CDKAL1: variants seen among roughly 807,000 people sequenced by gnomAD.
The protein encoded by CDKAL1 is CDKAL1 threonylcarbamoyladenosine tRNA methylthiotransferase.
A neutral mutation model predicts 68.2 loss-of-function variants in CDKAL1; 32 were observed. The observed-to-expected ratio is 0.47, with a 90% confidence interval of 0.35 to 0.63. The LOEUF (loss-of-function observed/expected upper bound fraction) is 0.63. Among genes scored for constraint, CDKAL1 ranks in the 30% least tolerant of loss-of-function variants. CDKAL1 has a pLI of 0.00. For synonymous variants in CDKAL1, 234 were observed against 244.3 expected (o/e 0.96, Z 0.39); for missense variants, 606 against 696.7 (o/e 0.87, Z 1.47).
intron 8 of CDKAL1, among the ~76,000 whole-genome samples, chr6:20,829,985 T>C (rs1196801332): frequency 6.6e-6 from 1 of 152,190 alleles, no homozygotes; most frequent in African/African-American, 2.4e-5. Flanking sequence ...GCCTCCTGAG[T>C]AGCTGGATTA....
intron 9 of CDKAL1, among the ~76,000 whole-genome samples, chr6:20,923,192 G>A (rs1307199235): frequency 2.6e-5 from 4 of 152,072 alleles, no homozygotes; most frequent in South Asian, 2.1e-4. Flanking sequence ...AAGTGTGGGG[G>A]TTATAGGCAC....
Position 21,166,032 on chromosome 6 carries a change from G to A in CDKAL1, c.1300-31989G>A, listed in dbSNP as rs369836752. On this transcript the variant is annotated intron_variant, in intron 13 of 15. Transcript: ENST00000274695. ...GCTGTAGTTCCCGAATCATCAGATA[G>A]GGAATAATAATAGTGCTTACCTCAT... 2.6e-5 allele frequency among the ~76,000 whole-genome samples: 4 copies of A among 152,246 alleles called. No homozygotes were observed. The East Asian group carries it at 7.7e-4, about 29-fold the overall frequency.
At chr6:21,212,611 A>G (rs1464159362) in intron 15 of CDKAL1, among the ~76,000 whole-genome samples, 14 of 152,184 alleles carry the variant, frequency 9.2e-5, no homozygotes, top group African/African-American at 4.8e-5. Context: ...AAAATAATAG[A>G]ACATTATTTT....
intron 7 of CDKAL1, among the ~76,000 whole-genome samples, chr6:20,778,857 A>G (rs527724127): frequency 5.9e-4 from 90 of 152,224 alleles, no homozygotes; most frequent in Middle Eastern, 3.4e-3. Flanking sequence ...TGGGAAAACA[A>G]TTTGCTTCAC....
At chr6:20,628,654 A>G (rs1180740889) in intron 4 of CDKAL1, among the ~76,000 whole-genome samples, 1 of 58,946 alleles carries the variant, frequency 1.7e-5, no homozygotes, top group Non-Finnish European at 3.6e-5. Flanking sequence ...CCCTTATTTT[A>G]CTTTCAGGGA....
intron 6 of CDKAL1, among the ~76,000 whole-genome samples, chr6:20,754,361 C>T (rs1286146382): frequency 6.6e-6 from 1 of 152,142 alleles, no homozygotes; most frequent in Non-Finnish European, 1.5e-5. Context: ...TGGTAAACTA[C>T]ACATAAAATA....
chr6:20,694,303 A>G (rs1771018306), intron 5 of CDKAL1, among the ~76,000 whole-genome samples: 1 of 152,108 alleles, frequency 6.6e-6, no homozygotes, highest in Non-Finnish European at 1.5e-5. Context: ...TCGGCCTCCC[A>G]AAGTGCTGAG....
At position 21,201,090 on chromosome 6, in the gene CDKAL1, C is replaced by T; in HGVS notation, c.1384-20C>T. On this transcript the variant is annotated intron_variant, in intron 14 of 15. Coordinates refer to ENST00000274695, the MANE Select transcript of CDKAL1 (RefSeq NM_017774.3). The stretch of plus-strand genomic sequence containing the variant: ...ATGTTTATTTTTAAAAATTAAGCCT[C>T]TGAAACAAATGTGTTTAAGGTTTTA... 1 of 1,585,300 alleles carries T rather than the reference C, an allele frequency of 6.3e-7. No homozygotes were observed. Among genetic ancestry groups the T allele is most frequent in the Non-Finnish European group, 8.6e-7 (1 of 1,161,280 alleles).
At chr6:20,578,766 T>A (rs1305473368) in intron 4 of CDKAL1, among the ~76,000 whole-genome samples, 6 of 152,232 alleles carry the variant, frequency 3.9e-5, no homozygotes, top group African/African-American at 1.2e-4. Flanking sequence ...TGACATCTGA[T>A]GAAGAAGTTG....
At chr6:21,035,505 C>T (rs201299) in intron 11 of CDKAL1, among the ~76,000 whole-genome samples, 1 of 151,890 alleles carries the variant, frequency 6.6e-6, no homozygotes, top group Non-Finnish European at 1.5e-5. Context: ...TAGAAAACAT[C>T]TAAGGGTCAG....
At chr6:20,852,023 C>G (rs1759039026) in intron 9 of CDKAL1, among the ~76,000 whole-genome samples, 1 of 151,962 alleles carries the variant, frequency 6.6e-6, no homozygotes, top group African/African-American at 2.4e-5. Context: ...ATTCCTTTAT[C>G]TTTTCATATG....
intron 12 of CDKAL1, among the ~76,000 whole-genome samples, chr6:21,079,034 G>A (rs1385084884): frequency 6.6e-6 from 1 of 152,114 alleles, no homozygotes; most frequent in Admixed American, 6.5e-5. Flanking sequence ...AGAAGTGGGG[G>A]GTGCCTGTGT....
chr6:20,933,246 C>T (rs912503294), intron 9 of CDKAL1, among the ~76,000 whole-genome samples: 1 of 152,188 alleles, frequency 6.6e-6, no homozygotes, highest in Non-Finnish European at 1.5e-5. Flanking sequence ...GAAAACAATA[C>T]CCTTTGCTTC....
intron 9 of CDKAL1, among the ~76,000 whole-genome samples, chr6:20,936,436 G>A (rs1408564393): frequency 6.6e-6 from 1 of 150,688 alleles, no homozygotes; most frequent in Non-Finnish European, 1.5e-5. Context: ...ATTTTTAGTA[G>A]AGACGGGGTT....
chr6:20,609,655 C>G (rs1766528578), intron 4 of CDKAL1, among the ~76,000 whole-genome samples: 2 of 151,966 alleles, frequency 1.3e-5, no homozygotes, highest in African/African-American at 4.8e-5. Flanking sequence ...CTTGGCCTCC[C>G]AAAGTTTATT....
chr6:20,991,013 A>T (rs1766761483), intron 10 of CDKAL1, among the ~76,000 whole-genome samples: 1 of 152,248 alleles, frequency 6.6e-6, no homozygotes, highest in Non-Finnish European at 1.5e-5. Context: ...TACCTGTGGG[A>T]TATGAGGATG....
intron 13 of CDKAL1, among the ~76,000 whole-genome samples, chr6:21,134,062 G>T (rs773068228): frequency 6.6e-6 from 1 of 152,090 alleles, no homozygotes; most frequent in Non-Finnish European, 1.5e-5. Flanking sequence ...TGCCGGGGTC[G>T]TGGGGGCGTA....
intron 6 of CDKAL1, among the ~76,000 whole-genome samples, chr6:20,740,799 T>A (rs969162351): frequency 6.6e-6 from 1 of 152,204 alleles, no homozygotes; most frequent in Non-Finnish European, 1.5e-5. Context: ...TTTGGTAACT[T>A]TAGTTTGTTT....
chr6:20,748,981 A>G (rs1415986654), intron 6 of CDKAL1, among the ~76,000 whole-genome samples: 2 of 150,964 alleles, frequency 1.3e-5, no homozygotes, highest in Admixed American at 6.6e-5. Context: ...GTATGTGTAT[A>G]TATATGTATG....
Sources: allele counts gnomAD v4.1 joint callset (sites outside exome capture counted in the v4.1 genomes callset), GRCh38; gene constraint gnomAD v4.1.1; transcripts MANE v1.5; gene names NCBI Gene and HGNC (gene_info 2026-07-23, HGNC 2026-07-21).